The following USP10 variants were observed in gnomAD, a reference collection of about 807,000 sequenced individuals.
The protein encoded by USP10 is ubiquitin specific peptidase 10, also known as ubiquitin carboxyl-terminal hydrolase 10.
In USP10, 22 loss-of-function variants were observed where a neutral mutation model predicts 84.5. The ratio of observed to expected loss-of-function variants is 0.26; its 90% CI spans 0.19 to 0.37. The LOEUF (loss-of-function observed/expected upper bound fraction) is 0.37. Among genes scored for constraint, USP10 ranks in the 10% least tolerant of loss-of-function variants. The pLI is 1.00. For missense variants in USP10, 1,019 were observed against 998.9 expected, an observed-to-expected ratio of 1.02 and a Z score of -0.27; for synonymous variants, 454 against 387.6, an observed-to-expected ratio of 1.17 and a Z score of -2.01.
chr16:84,763,316 C>A (rs916505240), intron 9 of USP10, among the ~76,000 whole-genome samples: 23 of 152,088 alleles, frequency 1.5e-4, no homozygotes, highest in African/African-American at 4.8e-4. Flanking sequence ...ATGATCAAGC[C>A]TATAAAAAAG....
chr16:84,778,029 T>G (rs933989463), intron 13 of USP10, among the ~76,000 whole-genome samples: 3 of 151,816 alleles, frequency 2.0e-5, no homozygotes, highest in African/African-American at 7.3e-5. Flanking sequence ...TTCTACAGAT[T>G]TTTTGTTTTA....
At chr16:84,753,343 G>A (rs1912154075) in intron 4 of USP10, among the ~76,000 whole-genome samples, 1 of 152,034 alleles carries the variant, frequency 6.6e-6, no homozygotes, top group Non-Finnish European at 1.5e-5. Flanking sequence ...ATTTCCTCTT[G>A]GGATGCTGAA....
At chr16:84,702,191 G>C (rs1904972352) in intron 1 of USP10, among the ~76,000 whole-genome samples, 1 of 150,630 alleles carries the variant, frequency 6.6e-6, no homozygotes, top group African/African-American at 2.4e-5. Context: ...CAAGTAGCTG[G>C]GATTACAGGC....
intron 4 of USP10, among the ~76,000 whole-genome samples, chr16:84,757,397 GTGGGGGTGTGTGT>G (rs1452856316): frequency 3.8e-5 from 3 of 78,566 alleles, no homozygotes; most frequent in African/African-American, 1.4e-4. Flanking sequence ...AATGAGAGGG[GTGGGGGTGTGTGT>G]GTGTGTGTGT....
intron 2 of USP10, among the ~76,000 whole-genome samples, chr16:84,734,506 G>T (rs1274804074): frequency 6.6e-6 from 1 of 152,106 alleles, no homozygotes; most frequent in African/African-American, 2.4e-5. Context: ...CTGATTTTAG[G>T]ATTAATCTTT....
intron 1 of USP10, among the ~76,000 whole-genome samples, chr16:84,722,089 G>T (rs2150780139): frequency 6.6e-6 from 1 of 152,278 alleles, no homozygotes. Flanking sequence ...GTTTCTTCAT[G>T]CCCCTTTGCC....
intron 1 of USP10, among the ~76,000 whole-genome samples, chr16:84,729,823 G>A (rs1424457831): frequency 2.6e-5 from 4 of 152,190 alleles, no homozygotes; most frequent in Non-Finnish European, 5.9e-5. Flanking sequence ...AAACAGCCGT[G>A]GCTAGTGATT....
chr16:84,774,030 A>G (rs975826825), intron 12 of USP10, among the ~76,000 whole-genome samples: 2 of 152,138 alleles, frequency 1.3e-5, no homozygotes, highest in Non-Finnish European at 2.9e-5. Context: ...CAGGCAGATC[A>G]CCTGAGGTCA....
chr16:84,729,187 A>G (rs1336221762), intron 1 of USP10, among the ~76,000 whole-genome samples: 3 of 152,390 alleles, frequency 2.0e-5, no homozygotes, highest in South Asian at 2.1e-4. Flanking sequence ...TGTTAAATAC[A>G]AAAATGATGT....
At chr16:84,733,840 A>G (rs900886594) in intron 2 of USP10, among the ~76,000 whole-genome samples, 4 of 152,264 alleles carry the variant, frequency 2.6e-5, no homozygotes, top group Non-Finnish European at 5.9e-5. Context: ...ATATACGTGT[A>G]TATCACCATA....
chr16:84,775,311 A>C, intron 13 of USP10, 86 bp downstream of exon 13: 1 of 1,356,342 alleles, frequency 7.4e-7, no homozygotes, highest in Non-Finnish European at 1.1e-6. Context: ...GCAACTTAGC[A>C]TAGCGACCAG....
intron 4 of USP10, among the ~76,000 whole-genome samples, chr16:84,754,418 C>A (rs1373215313): frequency 3.9e-5 from 6 of 152,134 alleles, no homozygotes; most frequent in Admixed American, 2.6e-4. Context: ...AATGGCCTTT[C>A]AAAGACTGTC....
At chr16:84,773,925 C>A (rs173419) in intron 12 of USP10, among the ~76,000 whole-genome samples, 14,088 of 152,060 alleles carry the variant, frequency 0.093, 1,147 homozygotes, top group African/African-American at 0.23. Context: ...TTTTTATATC[C>A]GCTGCCACCT....
intron 1 of USP10, chr16:84,733,158 A>G: frequency 3.9e-6 from 2 of 518,018 alleles, no homozygotes; most frequent in Non-Finnish European, 7.4e-6. Context: ...TCCTGCAAGC[A>G]GGACTCGACA....
At chr16:84,712,602 A>G (rs945561777) in intron 1 of USP10, among the ~76,000 whole-genome samples, 2 of 152,220 alleles carry the variant, frequency 1.3e-5, no homozygotes, top group African/African-American at 4.8e-5. Flanking sequence ...GGACCACAGC[A>G]TGCAAGACCC....
Position 84,744,931 on chromosome 16 carries a change from A to T in USP10, c.450A>T (p.Lys150Asn). The change falls in exon 4 of 14, where the codon AAA becomes AAT. Residue 150 changes from lysine to asparagine, a missense_variant. By Grantham distance (94) the Lys-to-Asn change is moderately conservative. This residue lies in a region of USP10 where 787 missense variants were observed against 708.8 expected (regional missense o/e 1.11). Transcript: ENST00000219473. ...GTGGTCTTGGACAAAGGGAGCGTAA[A>T]AAGAAGAAAAAGCGGCCACCTGGAT... ...VSGGLGQRER[K>N]KKKKRPPGYY... 1 of 1,613,786 alleles carries T rather than the reference A, an allele frequency of 6.2e-7. No individual in the cohort carries two copies.
At chr16:84,760,478 A>T (rs1424198754) in intron 8 of USP10, among the ~76,000 whole-genome samples, 2 of 152,188 alleles carry the variant, frequency 1.3e-5, no homozygotes, top group Non-Finnish European at 2.9e-5. Context: ...TTGACTCTGA[A>T]TAAAGTATGA....
intron 1 of USP10, 117 bp downstream of exon 1, chr16:84,700,228 G>T (rs1224335593): frequency 1.2e-5 from 10 of 812,218 alleles, no homozygotes; most frequent in Non-Finnish European, 1.4e-5. Flanking sequence ...GGGGGAGGGC[G>T]CTGGGACACG....
chr16:84,747,583 G>A (rs138964462), intron 4 of USP10, among the ~76,000 whole-genome samples: 109 of 53,496 alleles, frequency 2.0e-3, no homozygotes, highest in African/African-American at 6.6e-3. Flanking sequence ...TTTTTTTTGA[G>A]ATGCAGTCTC....
Sources: gnomAD v4.1 joint callset for allele counts (sites outside exome capture counted in the v4.1 genomes callset) on GRCh38, gnomAD v4.1.1 for gene constraint, gnomAD v4.1.1 regional missense constraint, MANE v1.5 for transcripts, NCBI Gene and HGNC (gene_info 2026-07-23, HGNC 2026-07-21) for gene names.